GRID2: variants seen among roughly 807,000 people sequenced by gnomAD.
GRID2 encodes glutamate receptor ionotropic, delta-2.
A neutral mutation model predicts 114.8 loss-of-function variants in GRID2; 33 were observed. That is an observed-to-expected ratio of 0.29 (90% CI 0.22 to 0.38). The LOEUF is 0.38. Among genes scored for constraint, GRID2 ranks in the 10% least tolerant of loss-of-function variants. The probability of loss-of-function intolerance (pLI) is 1.00; values close to 1 mark genes in which losing one functional copy is unlikely to be tolerated. For missense variants in GRID2, 1,184 were observed against 1,257.7 expected (o/e 0.94, Z 0.89); for synonymous variants, 505 against 449.9 (o/e 1.12, Z -1.55).
Position 93,356,698 on chromosome 4 carries a change from G to A in GRID2, c.1246-38909G>A, listed in dbSNP as rs963633398. ...TAGTAGCATTTTATTAAAACATAAC[G>A]TGTAAACAAAAAAAGTTGTACAAGA... On this transcript the variant is annotated intron_variant, in intron 8 of 15. Transcript: ENST00000282020. Among the ~76,000 whole-genome samples, 18 of 151,724 alleles carry A rather than the reference G, an allele frequency of 1.2e-4. 1 individual carries two copies. Among genetic ancestry groups the A allele is most frequent in the Non-Finnish European group, 1.6e-4 (11 of 67,776 alleles).
chr4:93,179,442 T>G, intron 4 of GRID2, among the ~76,000 whole-genome samples: 1 of 152,298 alleles, frequency 6.6e-6, no homozygotes, highest in Non-Finnish European at 1.5e-5. Context: ...GGGGAGTAAG[T>G]ACTATTATAG....
At chr4:93,645,924 T>A (rs2149714449) in intron 14 of GRID2, among the ~76,000 whole-genome samples, 1 of 152,300 alleles carries the variant, frequency 6.6e-6, no homozygotes. Context: ...AATGAATTTT[T>A]GTTAATAATA....
chr4:93,759,887 G>A (rs189704148), intron 14 of GRID2, among the ~76,000 whole-genome samples: 9 of 152,278 alleles, frequency 5.9e-5, no homozygotes, highest in African/African-American at 1.9e-4. Context: ...ATAAAGAGGT[G>A]CTTCCATTTA....
chr4:93,084,108 C>T (rs1374086246), intron 2 of GRID2, among the ~76,000 whole-genome samples: 1 of 151,192 alleles, frequency 6.6e-6, no homozygotes, highest in African/African-American at 2.5e-5. Context: ...TCATTGATTT[C>T]TTCACTGATT....
chr4:93,745,761 T>C (rs962422046), intron 14 of GRID2, among the ~76,000 whole-genome samples: 2 of 152,214 alleles, frequency 1.3e-5, no homozygotes, highest in Non-Finnish European at 1.5e-5. Flanking sequence ...AATTATATTT[T>C]CAATTAACAG....
At chr4:93,262,189 A>G (rs1411293451) in intron 8 of GRID2, among the ~76,000 whole-genome samples, 2 of 151,964 alleles carry the variant, frequency 1.3e-5, no homozygotes, top group African/African-American at 4.8e-5. Context: ...AGGCTTTCAG[A>G]AACCCAGTCA....
chr4:92,596,265 T>C (rs1728949829), intron 2 of GRID2, among the ~76,000 whole-genome samples: 1 of 152,078 alleles, frequency 6.6e-6, no homozygotes. Flanking sequence ...TTCGTTCATT[T>C]ATTCACTGTT....
In GRID2 at chr4:92,333,907, A is replaced by G. The variant is rs576008254; in HGVS notation, c.88+29163A>G. Among the ~76,000 whole-genome samples, 113 of 151,928 alleles carry G rather than the reference A, an allele frequency of 7.4e-4. 1 individual carries two copies. Among genetic ancestry groups the G allele is most frequent in the Admixed American group, 2.0e-3 (31 of 15,254 alleles). On this transcript the variant is annotated intron_variant, in intron 1 of 15. Coordinates refer to ENST00000282020, the MANE Select transcript of GRID2 (RefSeq NM_001510.4). ...ACCACATGCAACTAATTTTCTTTTC[A>G]TTTTTTAGAGATGAGGTCTCACTAT...
At chr4:93,605,202 CTAATT>C (rs138419799) in intron 13 of GRID2, among the ~76,000 whole-genome samples, 5,202 of 152,090 alleles carry the variant, frequency 0.034, 290 homozygotes, top group African/African-American at 0.12. Flanking sequence ...CCCCATGTGA[CTAATT>C]TAAATTTAAA....
intron 2 of GRID2, among the ~76,000 whole-genome samples, chr4:92,651,845 G>T (rs192072221): frequency 3.8e-4 from 58 of 152,220 alleles, no homozygotes; most frequent in Non-Finnish European, 2.5e-4. Context: ...TACTGCAGCT[G>T]TCCACTTTCA....
chr4:93,427,043 G>A lies in GRID2; in HGVS notation c.1545+4075G>A, dbSNP rs374526698. On this transcript the variant is annotated intron_variant, in intron 10 of 15. Transcript: ENST00000282020. ...ATGCCAACAGAAAATAACATTTCAA[G>A]AAGGAAAGAGCAGTCAACATTAGAA... 9.2e-5 allele frequency among the ~76,000 whole-genome samples: 14 copies of A among 152,088 alleles called. 1 individual carries two copies. In the South Asian group the frequency reaches 1.2e-3, roughly 13 times the overall value.
At chr4:92,922,369 A>C (rs745941871) in intron 2 of GRID2, among the ~76,000 whole-genome samples, 1 of 152,048 alleles carries the variant, frequency 6.6e-6, no homozygotes, top group African/African-American at 2.4e-5. Flanking sequence ...CCACTGTCCG[A>C]CAATCCCCAG....
At chr4:92,441,420 G>A (rs988659531) in intron 1 of GRID2, among the ~76,000 whole-genome samples, 1 of 151,570 alleles carries the variant, frequency 6.6e-6, no homozygotes, top group South Asian at 2.1e-4. Flanking sequence ...GGGATTAAGG[G>A]GCAAAGGAAT....
intron 2 of GRID2, among the ~76,000 whole-genome samples, chr4:92,843,906 T>C (rs1213668927): frequency 6.6e-6 from 1 of 152,162 alleles, no homozygotes; most frequent in East Asian, 1.9e-4. Flanking sequence ...GCATATTTAC[T>C]CATGAATGAT....
intron 4 of GRID2, among the ~76,000 whole-genome samples, chr4:93,144,602 T>G (rs1186350496): frequency 4.6e-5 from 7 of 152,174 alleles, no homozygotes; most frequent in African/African-American, 1.7e-4. Flanking sequence ...CCTTGAAATC[T>G]AAGTACTTGA....
intron 1 of GRID2, among the ~76,000 whole-genome samples, chr4:92,572,754 G>A (rs1727692163): frequency 6.6e-6 from 1 of 152,000 alleles, no homozygotes. Flanking sequence ...TCACATAGAT[G>A]TTCACCAAGG....
At chr4:92,364,589 A>G (rs1323452241) in intron 1 of GRID2, among the ~76,000 whole-genome samples, 1 of 152,018 alleles carries the variant, frequency 6.6e-6, no homozygotes, top group Non-Finnish European at 1.5e-5. Context: ...GAGGTCTAGT[A>G]TAGACTTTAA....
chr4:93,572,382 C>T (rs901135917), intron 13 of GRID2, among the ~76,000 whole-genome samples: 9 of 151,984 alleles, frequency 5.9e-5, no homozygotes, highest in African/African-American at 1.9e-4. Context: ...GCTTTGAGTT[C>T]CATTATGAGC....
At chr4:92,374,561 T>C (rs971925869) in intron 1 of GRID2, among the ~76,000 whole-genome samples, 3 of 152,178 alleles carry the variant, frequency 2.0e-5, no homozygotes, top group Non-Finnish European at 2.9e-5. Context: ...GGTCACTATA[T>C]GTGGCTCAGA....
Sources: allele counts gnomAD v4.1 joint callset (sites outside exome capture counted in the v4.1 genomes callset), GRCh38; gene constraint gnomAD v4.1.1; transcripts MANE v1.5; gene names NCBI Gene and HGNC (gene_info 2026-07-23, HGNC 2026-07-21).